IQCH: variants seen among roughly 807,000 people sequenced by gnomAD.
IQCH encodes the protein IQ domain-containing protein H.
In IQCH, 98 loss-of-function variants were observed where a neutral mutation model predicts 117.0. The observed-to-expected ratio is 0.84, with a 90% confidence interval of 0.71 to 0.99. IQCH has a LOEUF of 0.99. Ranked by LOEUF, IQCH falls within the 50% of genes least tolerant of loss-of-function variation. IQCH has a pLI of 0.00. For missense variants in IQCH, 1,102 were observed against 1,243.8 expected (o/e 0.89, Z 1.72); for synonymous variants, 412 against 448.2 (o/e 0.92, Z 1.02).
intron 3 of IQCH, among the ~76,000 whole-genome samples, chr15:67,275,251 C>T (rs1966075554): frequency 6.6e-6 from 1 of 152,174 alleles, no homozygotes; most frequent in African/African-American, 2.4e-5. Context: ...CTTGATCTCA[C>T]TTTAGAATTC....
intron 4 of IQCH, among the ~76,000 whole-genome samples, chr15:67,288,097 CAG>C (rs1966630153): frequency 6.6e-6 from 1 of 152,032 alleles, no homozygotes; most frequent in Non-Finnish European, 1.5e-5. Flanking sequence ...CCATTGTGGT[CAG>C]AGAAAAAGCT....
chr15:67,448,094 C>G (rs1371142494), intron 16 of IQCH, among the ~76,000 whole-genome samples: 1 of 152,104 alleles, frequency 6.6e-6, no homozygotes, highest in Non-Finnish European at 1.5e-5. Context: ...TCATCATTCA[C>G]ACACTCAACT....
chr15:67,287,565 T>G (rs1016541676), intron 4 of IQCH, among the ~76,000 whole-genome samples: 4 of 151,440 alleles, frequency 2.6e-5, no homozygotes, highest in Non-Finnish European at 5.9e-5. Flanking sequence ...ATATAATTCC[T>G]CATAGAAGCC....
intron 16 of IQCH, among the ~76,000 whole-genome samples, chr15:67,448,951 C>G (rs1052296886): frequency 6.6e-5 from 10 of 152,244 alleles, no homozygotes; most frequent in South Asian, 2.1e-4. Flanking sequence ...TTGTGGTTTT[C>G]ATTTGCATTT....
At position 67,422,083 on chromosome 15, in the gene IQCH, A is replaced by T. The variant is rs2081763335; in HGVS notation, c.2505+506A>T. On this transcript the variant is annotated intron_variant, in intron 16 of 20. Coordinates refer to ENST00000335894, the MANE Select transcript of IQCH (RefSeq NM_001031715.3). The surrounding 1 kb of genome is among the most constrained non-coding windows in gnomAD (Gnocchi z 4.7). ...TACTACACTCCAGCCTGGGTGACAG[A>T]GTGAAACTCCATCTCAAAAAAAAAA... 6.6e-6 allele frequency among the ~76,000 whole-genome samples: 1 copy of T among 150,822 alleles called. No individual in the cohort carries two copies. Among genetic ancestry groups the T allele is most frequent in the Admixed American group, 6.6e-5 (1 of 15,068 alleles).
At chr15:67,281,527 A>G (rs990582608) in intron 4 of IQCH, 1 of 338,510 alleles carries the variant, frequency 3.0e-6, no homozygotes, top group African/African-American at 2.2e-5. Flanking sequence ...TTGGCTAGCA[A>G]AGATGGCCTT....
At chr15:67,327,399 A>AGTC (rs1968458733) in intron 4 of IQCH, among the ~76,000 whole-genome samples, 1 of 152,170 alleles carries the variant, frequency 6.6e-6, no homozygotes, top group African/African-American at 2.4e-5. Context: ...TGATTTGATG[A>AGTC]TACATTGCTG....
chr15:67,449,275 G>T (rs1415295398), intron 16 of IQCH, among the ~76,000 whole-genome samples: 1 of 152,018 alleles, frequency 6.6e-6, no homozygotes, highest in Non-Finnish European at 1.5e-5. Context: ...TTGCTTTTGG[G>T]GTTTTAGACA....
intron 15 of IQCH, among the ~76,000 whole-genome samples, chr15:67,420,212 A>G (rs1250609028): frequency 6.6e-6 from 1 of 152,194 alleles, no homozygotes; most frequent in African/African-American, 2.4e-5. Flanking sequence ...TGTTAGGACT[A>G]CCTCTGACCA....
intron 18 of IQCH, among the ~76,000 whole-genome samples, chr15:67,486,963 G>A (rs2083498886): frequency 6.6e-6 from 1 of 152,170 alleles, no homozygotes. Context: ...CACAGTAAGG[G>A]ATGCAAGAGA....
At chr15:67,310,793 A>G (rs183397257) in intron 4 of IQCH, among the ~76,000 whole-genome samples, 1 of 152,294 alleles carries the variant, frequency 6.6e-6, no homozygotes, top group Non-Finnish European at 1.5e-5. Context: ...AATGAAGCAT[A>G]ATGTCAAAAT....
intron 6 of IQCH, among the ~76,000 whole-genome samples, chr15:67,355,214 C>T (rs562090195): frequency 1.3e-5 from 2 of 152,180 alleles, no homozygotes; most frequent in Non-Finnish European, 2.9e-5. Context: ...AATTTAACTG[C>T]ATGTTCTTAA....
intron 10 of IQCH, among the ~76,000 whole-genome samples, chr15:67,380,706 C>T (rs546649956): frequency 6.6e-6 from 1 of 152,330 alleles, no homozygotes; most frequent in African/African-American, 2.4e-5. Flanking sequence ...CACTCTTCTT[C>T]ACCTTTCTTC....
In IQCH at chr15:67,493,291, A is replaced by C. The variant is rs2083711079; in HGVS notation, c.2862-967A>C. 6.6e-6 allele frequency among the ~76,000 whole-genome samples: 1 copy of C among 152,190 alleles called. No individual in the cohort carries two copies. Among genetic ancestry groups the C allele is most frequent in the African/African-American group, 2.4e-5 (1 of 41,466 alleles). Reference sequence around the variant, plus strand: ...AGAGGGGCAATGATTTGCCTGGGTCACACAGTAGGTGGTCTGTCTCCTGAT... The same window carrying C: ...AGAGGGGCAATGATTTGCCTGGGTCCCACAGTAGGTGGTCTGTCTCCTGAT... On this transcript the variant is annotated intron_variant, in intron 19 of 20. Coordinates refer to ENST00000335894, the MANE Select transcript of IQCH (RefSeq NM_001031715.3). This position sits in a 1 kb window ranked among gnomAD's most constrained non-coding sequence, Gnocchi z 5.1.
rs1567232901 is a variant in IQCH at position 67,490,900 on chromosome 15, C to T, written c.2861+836C>T. ...ATTTCCCTCTGGGATATTTTGGAGCCTAGCAAAGCCTCCTATCTAGGACTC... is the reference window on the plus strand; with the variant it reads ...ATTTCCCTCTGGGATATTTTGGAGCTTAGCAAAGCCTCCTATCTAGGACTC... On this transcript the variant is annotated intron_variant, in intron 19 of 20. Coordinates refer to ENST00000335894, the MANE Select transcript of IQCH (RefSeq NM_001031715.3). The surrounding 1 kb of genome is among the most constrained non-coding windows in gnomAD (Gnocchi z 4.9). 2.1e-4 allele frequency among the ~76,000 whole-genome samples: 32 copies of T among 152,332 alleles called. No individual in the cohort carries two copies.
Position 67,416,505 on chromosome 15 carries a change from A to G in IQCH, c.2098-426A>G, listed in dbSNP as rs1030676002. Among the ~76,000 whole-genome samples the G allele has an allele frequency of 3.3e-5, 5 of 151,966 alleles. No individual in the cohort carries two copies. Among genetic ancestry groups the G allele is most frequent in the Non-Finnish European group, 5.9e-5 (4 of 67,974 alleles). ...GCACTCCAGCCTGGGCAACAAGAGCAAAACTGCGTCTCAAAAAAAAAAAGA... is the reference window on the plus strand; with the variant it reads ...GCACTCCAGCCTGGGCAACAAGAGCGAAACTGCGTCTCAAAAAAAAAAAGA... On this transcript the variant is annotated intron_variant, in intron 14 of 20. Transcript: ENST00000335894. This position sits in a 1 kb window ranked among gnomAD's most constrained non-coding sequence, Gnocchi z 5.1.
chr15:67,492,735 C>T (rs2083694981), intron 19 of IQCH, among the ~76,000 whole-genome samples: 1 of 152,132 alleles, frequency 6.6e-6, no homozygotes, highest in Non-Finnish European at 1.5e-5. Context: ...GGGGTAGTAT[C>T]ACCCAGGCAG....
At chr15:67,358,616 G>A (rs1016853344) in intron 7 of IQCH, among the ~76,000 whole-genome samples, 6 of 152,306 alleles carry the variant, frequency 3.9e-5, no homozygotes, top group Non-Finnish European at 8.8e-5. Flanking sequence ...ATGGACTGCA[G>A]ACAGACTTGT....
chr15:67,477,090 C>T (rs1469388401), intron 18 of IQCH, among the ~76,000 whole-genome samples: 3 of 113,076 alleles, frequency 2.7e-5, no homozygotes, highest in African/African-American at 1.0e-4. Context: ...CTCATTCTGT[C>T]ACCAGGCTGG....
Sources: allele counts gnomAD v4.1 joint callset (sites outside exome capture counted in the v4.1 genomes callset), GRCh38; gene constraint gnomAD v4.1.1; non-coding constraint Gnocchi (gnomAD v3.1); transcripts MANE v1.5; gene names NCBI Gene and HGNC (gene_info 2026-07-23, HGNC 2026-07-21).